Variants in FUT9 observed in about 807,000 individuals in gnomAD.
FUT9 encodes 4-galactosyl-N-acetylglucosaminide 3-alpha-L-fucosyltransferase 9.
A neutral mutation model predicts 29.7 loss-of-function variants in FUT9; 15 were observed. The ratio of observed to expected loss-of-function variants is 0.51; its 90% CI spans 0.34 to 0.78. The LOEUF (loss-of-function observed/expected upper bound fraction) is 0.78, where lower values mean the gene tolerates loss of function less well. Among genes scored for constraint, FUT9 ranks in the 30% least tolerant of loss-of-function variants. FUT9 has a pLI of 0.01. For synonymous variants in FUT9, 169 were observed against 153.7 expected (o/e 1.10, Z -0.74); for missense variants, 319 against 425.4 (o/e 0.75, Z 2.20).
chr6:96,134,736 G>A (rs911168666), intron 2 of FUT9, among the ~76,000 whole-genome samples: 9 of 151,762 alleles, frequency 5.9e-5, no homozygotes, highest in African/African-American at 2.2e-4. Flanking sequence ...TTTTCCAAAA[G>A]TCCACAGAAA....
chr6:96,171,718 G>T (rs1278922947), intron 2 of FUT9, among the ~76,000 whole-genome samples: 1 of 152,032 alleles, frequency 6.6e-6, no homozygotes, highest in East Asian at 1.9e-4. Context: ...TTTAGAAAGG[G>T]CCCATGCAGC....
intron 1 of FUT9, among the ~76,000 whole-genome samples, 179 bp from the exon 2 acceptor site, chr6:96,113,860 A>C (rs1312158427): frequency 6.6e-6 from 1 of 152,012 alleles, no homozygotes; most frequent in Non-Finnish European, 1.5e-5. Context: ...TCTCAAAAAA[A>C]AAAAAAAAAA....
intron 2 of FUT9, among the ~76,000 whole-genome samples, chr6:96,127,627 G>A (rs1024052535): frequency 2.4e-4 from 36 of 152,032 alleles, no homozygotes; most frequent in African/African-American, 8.7e-4. Context: ...TTCAATAATG[G>A]CTGAACTAAT....
At chr6:96,067,450 C>T (rs149710049) in intron 1 of FUT9, among the ~76,000 whole-genome samples, 7 of 152,088 alleles carry the variant, frequency 4.6e-5, no homozygotes, top group Admixed American at 2.0e-4. Context: ...ATAGGAATGA[C>T]GGAGTCACAC....
intron 1 of FUT9, among the ~76,000 whole-genome samples, chr6:96,083,450 A>T (rs1431121098): frequency 6.6e-6 from 1 of 152,206 alleles, no homozygotes; most frequent in East Asian, 1.9e-4. Context: ...GGATGCATTG[A>T]CTTACAAGTT....
chr6:96,204,381 A>G lies in FUT9; in HGVS notation c.*146A>G. ...GGGTAACGTGTATATTTTGGTGGAGATTTTTAAAAGCTCAGCATGAGCAAT... is the reference window on the plus strand; with the variant it reads ...GGGTAACGTGTATATTTTGGTGGAGGTTTTTAAAAGCTCAGCATGAGCAAT... On this transcript the variant is annotated 3_prime_UTR_variant, in exon 3 of 3. Transcript: ENST00000302103. 1.9e-6 allele frequency: 1 copy of G among 520,336 alleles called. No homozygotes were observed. The highest frequency in any genetic ancestry group is 3.2e-6 in the Non-Finnish European group (1 of 313,042). 32.2% of individuals were successfully genotyped at this position (520,336 alleles called of 1,614,324 possible).
At chr6:96,140,860 G>A (rs1012431278) in intron 2 of FUT9, among the ~76,000 whole-genome samples, 20 of 152,128 alleles carry the variant, frequency 1.3e-4, no homozygotes, top group African/African-American at 4.8e-4. Context: ...CAATCATAAT[G>A]TTCAAATATC....
intron 1 of FUT9, among the ~76,000 whole-genome samples, chr6:96,067,038 G>A (rs903366604): frequency 3.3e-5 from 5 of 151,948 alleles, no homozygotes; most frequent in Non-Finnish European, 5.9e-5. Flanking sequence ...GCCATGTGCA[G>A]AGTATTGTAT....
intron 2 of FUT9, among the ~76,000 whole-genome samples, chr6:96,117,138 T>TC (rs1771927105): frequency 6.6e-6 from 1 of 152,128 alleles, no homozygotes; most frequent in Non-Finnish European, 1.5e-5. Flanking sequence ...TGAGGCTAAC[T>TC]CTAAAAAGAA....
intron 2 of FUT9, among the ~76,000 whole-genome samples, chr6:96,200,871 A>G (rs1189022025): frequency 2.0e-5 from 3 of 152,080 alleles, no homozygotes; most frequent in Non-Finnish European, 2.9e-5. Context: ...ATCAAATGCA[A>G]CTAAACTTCC....
intron 2 of FUT9, among the ~76,000 whole-genome samples, chr6:96,194,039 A>C (rs1773572707): frequency 6.6e-6 from 1 of 152,126 alleles, no homozygotes; most frequent in South Asian, 2.1e-4. Context: ...AACATCACAC[A>C]CCAGGGCCTG....
At chr6:96,093,120 T>C (rs1194932870) in intron 1 of FUT9, among the ~76,000 whole-genome samples, 1 of 152,092 alleles carries the variant, frequency 6.6e-6, no homozygotes, top group Non-Finnish European at 1.5e-5. Context: ...CATTGACTTA[T>C]GAGGTTTTGT....
intron 1 of FUT9, among the ~76,000 whole-genome samples, chr6:96,035,191 G>A (rs1027465560): frequency 2.0e-5 from 3 of 151,598 alleles, no homozygotes; most frequent in African/African-American, 7.3e-5. Flanking sequence ...TATGAGGAGA[G>A]GGAGGGAGGG....
intron 1 of FUT9, among the ~76,000 whole-genome samples, chr6:96,093,927 G>T (rs1281873859): frequency 6.6e-6 from 1 of 152,110 alleles, no homozygotes; most frequent in Non-Finnish European, 1.5e-5. Context: ...ACATCTGTAT[G>T]ACTACTGAAC....
In FUT9 at chr6:96,210,066, A is replaced by G. The variant is rs924021062; in HGVS notation, c.*5831A>G. ...TATTGTTAATAATACACAGCTTCTG[A>G]ATCTCTGGGTGTGAGATGGGACCAG... is the stretch of plus-strand genomic sequence containing the variant. On this transcript the variant is annotated 3_prime_UTR_variant, in exon 3 of 3. Transcript: ENST00000302103. 6.0e-6 allele frequency: 1 copy of G among 166,902 alleles called. No individual in the cohort carries two copies. The highest frequency in any genetic ancestry group is 2.4e-5 in the African/African-American group (1 of 41,424). 10.3% of individuals were successfully genotyped at this position (166,902 alleles called of 1,614,324 possible).
At chr6:96,160,839 T>C (rs1299824337) in intron 2 of FUT9, among the ~76,000 whole-genome samples, 1 of 152,200 alleles carries the variant, frequency 6.6e-6, no homozygotes, top group Non-Finnish European at 1.5e-5. Context: ...CTATTTCTTA[T>C]TATGTACTTA....
At chr6:96,096,130 A>G (rs1771490483) in intron 1 of FUT9, among the ~76,000 whole-genome samples, 1 of 152,082 alleles carries the variant, frequency 6.6e-6, no homozygotes. Flanking sequence ...ATAGAATGGA[A>G]AGTCTTATCA....
chr6:96,155,871 A>C (rs1413557610), intron 2 of FUT9, among the ~76,000 whole-genome samples: 1 of 152,046 alleles, frequency 6.6e-6, no homozygotes, highest in Non-Finnish European at 1.5e-5. Flanking sequence ...ACTGTGAGGA[A>C]ATAAATTTCT....
At chr6:96,135,473 C>T (rs1299822108) in intron 2 of FUT9, among the ~76,000 whole-genome samples, 1 of 151,936 alleles carries the variant, frequency 6.6e-6, no homozygotes, top group Non-Finnish European at 1.5e-5. Flanking sequence ...ACTCAAACTG[C>T]TTTAGGCTGG....
Sources: allele counts gnomAD v4.1 joint callset (sites outside exome capture counted in the v4.1 genomes callset), GRCh38; gene constraint gnomAD v4.1.1; transcripts MANE v1.5; gene names NCBI Gene and HGNC (gene_info 2026-07-23, HGNC 2026-07-21).